SLC14A2: variants seen among roughly 807,000 people sequenced by gnomAD.
SLC14A2 encodes urea transporter 2.
A neutral mutation model predicts 104.6 loss-of-function variants in SLC14A2; 91 were observed. The ratio of observed to expected loss-of-function variants is 0.87; its 90% CI spans 0.73 to 1.04. The LOEUF (loss-of-function observed/expected upper bound fraction) is 1.04. Among genes scored for constraint, SLC14A2 ranks in the 50% least tolerant of loss-of-function variants. The pLI is 0.00. For synonymous variants in SLC14A2, 476 were observed against 466.4 expected, an observed-to-expected ratio of 1.02 and a Z score of -0.27; for missense variants, 1,189 against 1,156.0, an observed-to-expected ratio of 1.03 and a Z score of -0.41.
At chr18:45,224,757 C>T (rs1435191401) in intron 1 of SLC14A2, among the ~76,000 whole-genome samples, 1 of 152,150 alleles carries the variant, frequency 6.6e-6, no homozygotes, top group Admixed American at 6.5e-5. Context: ...CAAGTTCATA[C>T]AGCTAGTAAG....
intron 16 of SLC14A2, among the ~76,000 whole-genome samples, chr18:45,672,614 C>T (rs11664396): frequency 0.12 from 18,024 of 152,116 alleles, 1,296 homozygotes; most frequent in East Asian, 0.32. Flanking sequence ...TAGTACCCTA[C>T]CTTGAAAGGT....
rs142950631 is a variant in SLC14A2 at position 45,606,908 on chromosome 18, C to T, written c.-34-17723C>T. On this transcript the variant is annotated intron_variant, in intron 2 of 20. Coordinates refer to the SLC14A2 transcript ENST00000586448. ...GGAATTTTCCACATAATACATCCTA[C>T]GTTGTTTTTATGTGTCTGATCATCC... 3.9e-5 allele frequency among the ~76,000 whole-genome samples: 6 copies of T among 152,230 alleles called. No homozygotes were observed. In the East Asian group the frequency reaches 7.7e-4, roughly 20 times the overall value.
intron 1 of SLC14A2, among the ~76,000 whole-genome samples, chr18:45,296,101 A>G (rs770737222): frequency 3.9e-5 from 6 of 152,200 alleles, no homozygotes; most frequent in African/African-American, 9.6e-5. Flanking sequence ...TTCTATTTGC[A>G]TTAAACAAGG....
At chr18:45,370,585 G>C (rs1322504488) in intron 1 of SLC14A2, among the ~76,000 whole-genome samples, 1 of 152,156 alleles carries the variant, frequency 6.6e-6, no homozygotes, top group African/African-American at 2.4e-5. Flanking sequence ...GACATGACAG[G>C]GTAACCACTG....
At chr18:45,358,349 C>T (rs2085576022) in intron 1 of SLC14A2, among the ~76,000 whole-genome samples, 1 of 152,130 alleles carries the variant, frequency 6.6e-6, no homozygotes, top group Non-Finnish European at 1.5e-5. Context: ...ACTTTATATT[C>T]CCGCTACTGG....
At chr18:45,655,245 T>A (rs1235548271) in intron 10 of SLC14A2, among the ~76,000 whole-genome samples, 1 of 152,156 alleles carries the variant, frequency 6.6e-6, no homozygotes, top group Non-Finnish European at 1.5e-5. Context: ...AGGAACAACA[T>A]CCCAGGATAT....
At chr18:45,627,228 C>T (rs1450029214) in intron 4 of SLC14A2, 81 bp downstream of exon 4, 17 of 1,318,736 alleles carry the variant, frequency 1.3e-5, no homozygotes, top group Non-Finnish European at 1.8e-5. Flanking sequence ...ATCAGTCAAC[C>T]TTACCCTCCC....
chr18:45,426,573 C>T (rs2086430786), intron 1 of SLC14A2, among the ~76,000 whole-genome samples: 1 of 149,194 alleles, frequency 6.7e-6, no homozygotes, highest in South Asian at 2.1e-4. Flanking sequence ...TGTATACACA[C>T]ATATATATAG....
intron 1 of SLC14A2, among the ~76,000 whole-genome samples, chr18:45,228,153 C>G (rs1321678611): frequency 6.6e-6 from 1 of 152,066 alleles, no homozygotes; most frequent in Non-Finnish European, 1.5e-5. Flanking sequence ...TGTTAGGTGA[C>G]AGGATGTGGG....
chr18:45,327,509 C>T (rs2085248027), intron 1 of SLC14A2, among the ~76,000 whole-genome samples: 2 of 152,190 alleles, frequency 1.3e-5, no homozygotes, highest in African/African-American at 4.8e-5. Flanking sequence ...AATAGAAACA[C>T]TTTACCCATT....
At chr18:45,284,978 T>A (rs934556806) in intron 1 of SLC14A2, among the ~76,000 whole-genome samples, 7 of 152,242 alleles carry the variant, frequency 4.6e-5, no homozygotes, top group Admixed American at 2.0e-4. Flanking sequence ...GAAAGGCTCT[T>A]TTTTAAATAA....
chr18:45,590,702 G>A (rs2144386238), intron 2 of SLC14A2, among the ~76,000 whole-genome samples: 1 of 152,352 alleles, frequency 6.6e-6, no homozygotes, highest in East Asian at 1.9e-4. Context: ...AAGTAGGAAT[G>A]TCACACCCTG....
intron 1 of SLC14A2, among the ~76,000 whole-genome samples, chr18:45,386,063 A>T (rs1448035542): frequency 2.6e-5 from 4 of 152,316 alleles, no homozygotes; most frequent in Admixed American, 2.6e-4. Context: ...GGGTTCAGAG[A>T]CGAGGGCTAT....
chr18:45,518,980 C>T (rs2043479787), intron 2 of SLC14A2, among the ~76,000 whole-genome samples: 1 of 152,166 alleles, frequency 6.6e-6, no homozygotes, highest in African/African-American at 2.4e-5. Flanking sequence ...ATATAATACA[C>T]AATCTAAATG....
intron 1 of SLC14A2, among the ~76,000 whole-genome samples, chr18:45,421,648 A>C (rs1253665127): frequency 2.0e-5 from 3 of 152,212 alleles, no homozygotes; most frequent in Non-Finnish European, 4.4e-5. Flanking sequence ...TTTTCTCAAA[A>C]GTCAAATCTG....
intron 1 of SLC14A2, among the ~76,000 whole-genome samples, chr18:45,442,586 A>C (rs1454963827): frequency 6.6e-6 from 1 of 152,194 alleles, no homozygotes; most frequent in Non-Finnish European, 1.5e-5. Context: ...CTACTCCATT[A>C]TAACCTTATC....
intron 1 of SLC14A2, among the ~76,000 whole-genome samples, chr18:45,288,665 C>T (rs2084839378): frequency 6.6e-6 from 1 of 152,216 alleles, no homozygotes; most frequent in African/African-American, 2.4e-5. Flanking sequence ...TGGGAAGAAT[C>T]ATAGTTCCTT....
chr18:45,673,107 A>C, intron 17 of SLC14A2, 60 bp downstream of exon 17: 1 of 1,507,740 alleles, frequency 6.6e-7, no homozygotes, highest in Non-Finnish European at 9.1e-7. Context: ...AGCTCCAAAT[A>C]AAATGGTGAC....
chr18:45,264,234 T>TA (rs2084569116), intron 1 of SLC14A2, among the ~76,000 whole-genome samples: 1 of 152,196 alleles, frequency 6.6e-6, no homozygotes, highest in African/African-American at 2.4e-5. Flanking sequence ...TTTTTGTTTT[T>TA]ATTGCTCATT....
Sources: gnomAD v4.1 joint callset for allele counts (sites outside exome capture counted in the v4.1 genomes callset) on GRCh38, gnomAD v4.1.1 for gene constraint, MANE v1.5 for transcripts, NCBI Gene and HGNC (gene_info 2026-07-23, HGNC 2026-07-21) for gene names.